Variants in RASAL2 observed in about 807,000 individuals in gnomAD.
RASAL2 encodes the protein RAS protein activator like 2, also known as ras GTPase-activating protein nGAP.
In RASAL2, 58 loss-of-function variants were observed where a neutral mutation model predicts 128.9. That is an observed-to-expected ratio of 0.45 (90% CI 0.36 to 0.56). The LOEUF (loss-of-function observed/expected upper bound fraction) is 0.56, where lower values mean the gene tolerates loss of function less well. RASAL2 is among the 20% of genes least tolerant of loss of function. RASAL2 has a pLI of 0.00. For missense variants in RASAL2, 1,360 were observed against 1,601.6 expected (o/e 0.85, Z 2.57); for synonymous variants, 561 against 580.8 (o/e 0.97, Z 0.49).
chr1:178,464,157 C>T, intron 14 of RASAL2, 121 bp from the exon 15 acceptor site: 2 of 1,225,366 alleles, frequency 1.6e-6, no homozygotes, highest in Non-Finnish European at 2.2e-6. Context: ...ATACTTAAAG[C>T]TAAGAGCATT....
At chr1:178,282,424 G>A (rs1666828706) in intron 1 of RASAL2, among the ~76,000 whole-genome samples, 1 of 152,152 alleles carries the variant, frequency 6.6e-6, no homozygotes, top group Admixed American at 6.5e-5. Flanking sequence ...CAGAACTCCA[G>A]CTATAATTAT....
chr1:178,117,863 T>C (rs368900334), intron 1 of RASAL2, among the ~76,000 whole-genome samples: 4 of 152,258 alleles, frequency 2.6e-5, no homozygotes, highest in African/African-American at 9.6e-5. Context: ...TAGACTAAGA[T>C]AGAATATAAT....
At chr1:178,151,424 A>G (rs1414166420) in intron 1 of RASAL2, among the ~76,000 whole-genome samples, 1 of 152,168 alleles carries the variant, frequency 6.6e-6, no homozygotes, top group Non-Finnish European at 1.5e-5. Flanking sequence ...ATAAAATAAA[A>G]TAAGGTACTT....
chr1:178,183,459 C>T (rs1378754706), intron 1 of RASAL2, among the ~76,000 whole-genome samples: 1 of 152,140 alleles, frequency 6.6e-6, no homozygotes, highest in East Asian at 1.9e-4. Context: ...AAGAATATCC[C>T]GAAGAATATC....
chr1:178,152,445 G>A (rs1660943923), intron 1 of RASAL2, among the ~76,000 whole-genome samples: 2 of 152,152 alleles, frequency 1.3e-5, no homozygotes, highest in Admixed American at 1.3e-4. Flanking sequence ...TTGTTGTGGA[G>A]ACCCCTGATT....
intron 1 of RASAL2, among the ~76,000 whole-genome samples, chr1:178,275,342 C>T (rs1191809782): frequency 1.3e-5 from 2 of 152,158 alleles, no homozygotes; most frequent in East Asian, 1.9e-4. Flanking sequence ...CCTGATATCC[C>T]AGCAGGACTT....
At chr1:178,333,183 C>A (rs527716383) in intron 3 of RASAL2, among the ~76,000 whole-genome samples, 1 of 152,098 alleles carries the variant, frequency 6.6e-6, no homozygotes, top group East Asian at 1.9e-4. Context: ...CGCCCGCCAC[C>A]GCTCCCGGCT....
chr1:178,206,901 G>A lies in RASAL2; in HGVS notation c.203-76663G>A, dbSNP rs558875121. On this transcript the variant is annotated intron_variant, in intron 1 of 17. Coordinates refer to ENST00000367649, the MANE Select transcript of RASAL2 (RefSeq NM_170692.4). ...TTAAAAGTAATGATCTCAGCCAGAC[G>A]AGGTGGCTTACTCCTGTAGTCCTAG... Among the ~76,000 whole-genome samples, 4 of 152,240 alleles carry A rather than the reference G, an allele frequency of 2.6e-5. No individual in the cohort carries two copies. In the East Asian group the frequency reaches 5.8e-4, roughly 22 times the overall value.
At chr1:178,370,211 C>T (rs1350659082) in intron 3 of RASAL2, among the ~76,000 whole-genome samples, 1 of 152,068 alleles carries the variant, frequency 6.6e-6, no homozygotes, top group Non-Finnish European at 1.5e-5. Flanking sequence ...CATGTAAAGG[C>T]GTGGAAGTGA....
intron 4 of RASAL2, among the ~76,000 whole-genome samples, chr1:178,401,695 G>A (rs999824595): frequency 6.6e-6 from 1 of 152,156 alleles, no homozygotes; most frequent in African/African-American, 2.4e-5. Context: ...GGTAAATGGG[G>A]AGAAAAGACA....
chr1:178,457,583 A>T, intron 13 of RASAL2, 100 bp from the exon 14 acceptor site: 2 of 1,221,196 alleles, frequency 1.6e-6, no homozygotes, highest in South Asian at 3.0e-5. Context: ...GTACGTATCC[A>T]CATAAGAACC....
Position 178,341,411 on chromosome 1 carries a change from G to A in RASAL2, c.457+41293G>A, listed in dbSNP as rs558859123. 1.6e-5 allele frequency: 23 copies of A among 1,411,672 alleles called. No homozygotes were observed. In the South Asian group the frequency reaches 2.3e-4, roughly 14 times the overall value. The allele number at this position is 1,411,672 out of a possible 1,614,324, so 87.4% of individuals were successfully genotyped here. The stretch of plus-strand genomic sequence containing the variant: ...ATGGGATTGGGGGCGGGGTTGGGGC[G>A]AGGATTGAGTTTAACTGGCATTGGC... On this transcript the variant is annotated intron_variant, in intron 3 of 17. Transcript: ENST00000367649.
At position 178,408,967 on chromosome 1, in the gene RASAL2, T is replaced by C. The variant is rs562660052; in HGVS notation, c.565-11544T>C. ...GAACTACCTGAGACTGGGTAATTTA[T>C]GAAGAGAGAGGTTTGACTCACAGTT... On this transcript the variant is annotated intron_variant, in intron 4 of 17. Transcript: ENST00000367649. Among the ~76,000 whole-genome samples, 28 of 152,250 alleles carry C rather than the reference T, an allele frequency of 1.8e-4. No homozygotes were observed. In the South Asian group the frequency reaches 4.8e-3, roughly 26 times the overall value.
intron 3 of RASAL2, among the ~76,000 whole-genome samples, chr1:178,319,991 T>G (rs1213864068): frequency 2.6e-5 from 4 of 151,700 alleles, no homozygotes; most frequent in East Asian, 1.9e-4. Context: ...GTCCTTTCTG[T>G]TTGTTAGTTT....
chr1:178,340,856 AC>A (rs1225997351), intron 3 of RASAL2, among the ~76,000 whole-genome samples: 1 of 152,336 alleles, frequency 6.6e-6, no homozygotes, highest in East Asian at 1.9e-4. Context: ...TCCATACAAT[AC>A]AGGGCATTTC....
At chr1:178,470,665 G>A (rs1463968185) in intron 17 of RASAL2, 1 of 1,362,702 alleles carries the variant, frequency 7.3e-7, no homozygotes, top group South Asian at 1.1e-5. Context: ...ACTGTTGCAA[G>A]TGATATCTCC....
chr1:178,381,987 A>G lies in RASAL2; in HGVS notation c.458-8113A>G, dbSNP rs550773644. ...ATACATTATAAATAATTGGACTGAC[A>G]TGTTCAAAATAGTCATTTTATGCTG... On this transcript the variant is annotated intron_variant, in intron 3 of 17. Coordinates refer to ENST00000367649, the MANE Select transcript of RASAL2 (RefSeq NM_170692.4). Among the ~76,000 whole-genome samples, 83 of 152,340 alleles carry G rather than the reference A, an allele frequency of 5.4e-4. 1 individual carries two copies. The Middle Eastern group carries it at 0.01, about 19-fold the overall frequency.
chr1:178,261,515 G>A (rs1665691915), intron 1 of RASAL2, among the ~76,000 whole-genome samples: 3 of 152,076 alleles, frequency 2.0e-5, no homozygotes, highest in Admixed American at 6.5e-5. Context: ...TTATATGTGA[G>A]TTCAAGGTGA....
At chr1:178,218,379 A>G (rs1377636417) in intron 1 of RASAL2, among the ~76,000 whole-genome samples, 1 of 152,162 alleles carries the variant, frequency 6.6e-6, no homozygotes, top group Non-Finnish European at 1.5e-5. Context: ...AGGTCTCAAC[A>G]GTGGGGCTTA....
Sources: gnomAD v4.1 joint callset for allele counts (sites outside exome capture counted in the v4.1 genomes callset) on GRCh38, gnomAD v4.1.1 for gene constraint, MANE v1.5 for transcripts, NCBI Gene and HGNC (gene_info 2026-07-23, HGNC 2026-07-21) for gene names.